The following KCNB2 variants were observed in gnomAD, a reference collection of about 807,000 sequenced individuals.
KCNB2 encodes the protein delayed rectifier potassium channel protein.
In KCNB2, 15 loss-of-function variants were observed where a neutral mutation model predicts 61.5. The observed-to-expected ratio is 0.24, with a 90% confidence interval of 0.16 to 0.38. The LOEUF is 0.38. Ranked by LOEUF, KCNB2 falls within the 10% of genes least tolerant of loss-of-function variation. KCNB2 has a pLI of 1.00. For missense variants in KCNB2, 828 were observed against 1,125.2 expected (o/e 0.74, Z 3.78); for synonymous variants, 457 against 446.0 (o/e 1.02, Z -0.31).
chr8:72,784,249 C>T (rs1242482347), intron 2 of KCNB2, among the ~76,000 whole-genome samples: 3 of 152,070 alleles, frequency 2.0e-5, no homozygotes, highest in Non-Finnish European at 2.9e-5. Flanking sequence ...CAGCAGCTCC[C>T]CAACCACCAC....
intron 2 of KCNB2, among the ~76,000 whole-genome samples, chr8:72,922,233 T>C (rs1018580290): frequency 3.9e-5 from 6 of 152,210 alleles, no homozygotes; most frequent in Non-Finnish European, 8.8e-5. Context: ...TCTGTGTCTC[T>C]CATGGCCTTC....
chr8:72,722,343 A>G (rs879518891), intron 2 of KCNB2, among the ~76,000 whole-genome samples: 1 of 152,182 alleles, frequency 6.6e-6, no homozygotes, highest in African/African-American at 2.4e-5. Context: ...CATTGCTTGC[A>G]CAATTAAGGC....
At chr8:72,775,018 G>A (rs1808623990) in intron 2 of KCNB2, among the ~76,000 whole-genome samples, 1 of 152,192 alleles carries the variant, frequency 6.6e-6, no homozygotes, top group African/African-American at 2.4e-5. Context: ...TGAGAGAGGT[G>A]TCAAGGGACC....
rs146316281 is a variant in KCNB2, at chr8:72,552,299, G to A, written c.-94+14414G>A. Among the ~76,000 whole-genome samples, 248 of 152,230 alleles carry A rather than the reference G, an allele frequency of 1.6e-3. 2 individuals carry two copies. Among genetic ancestry groups the A allele is most frequent in the African/African-American group, 5.5e-3 (230 of 41,536 alleles). ...AGAACTCAGCCTCATAACTTCACAG[G>A]AAAGTTGTCTAGACCAGTGCTTCCC... On this transcript the variant is annotated intron_variant, in intron 1 of 2. Coordinates refer to ENST00000523207, the MANE Select transcript of KCNB2 (RefSeq NM_004770.3).
chr8:72,920,477 A>ATGTGTGTGTG (rs1563424693), intron 2 of KCNB2, among the ~76,000 whole-genome samples: 1 of 37,704 alleles, frequency 2.7e-5, no homozygotes, highest in African/African-American at 8.5e-5. Context: ...ATCTATCTAT[A>ATGTGTGTGTG]TATATATATA....
intron 2 of KCNB2, among the ~76,000 whole-genome samples, chr8:72,817,880 C>T (rs753136787): frequency 1.3e-5 from 2 of 152,074 alleles, no homozygotes; most frequent in Admixed American, 1.3e-4. Flanking sequence ...AAAATCTAAA[C>T]TAATAACATT....
intron 2 of KCNB2, among the ~76,000 whole-genome samples, chr8:72,706,250 C>T (rs1807221710): frequency 6.6e-6 from 1 of 152,158 alleles, no homozygotes; most frequent in Non-Finnish European, 1.5e-5. Context: ...CCAGAGTTTC[C>T]ACAATTAAAA....
rs557731598 is a variant in KCNB2 at position 72,791,970 on chromosome 8, T to C, written c.580-143965T>C. 3.3e-5 allele frequency among the ~76,000 whole-genome samples: 5 copies of C among 152,334 alleles called. 1 individual carries two copies. The South Asian group carries it at 1.0e-3, about 32-fold the overall frequency. On this transcript the variant is annotated intron_variant, in intron 2 of 2. Coordinates refer to ENST00000523207, the MANE Select transcript of KCNB2 (RefSeq NM_004770.3). Reference sequence around the variant, plus strand: ...CCAGGCACAATCCTACCAGTGAGTGTACCTACAGTTCAGAGAGAGAAAGAG... The same window carrying C: ...CCAGGCACAATCCTACCAGTGAGTGCACCTACAGTTCAGAGAGAGAAAGAG...
intron 2 of KCNB2, among the ~76,000 whole-genome samples, chr8:72,587,330 G>A (rs1287212635): frequency 7.2e-5 from 11 of 152,124 alleles, no homozygotes; most frequent in Non-Finnish European, 1.2e-4. Flanking sequence ...TCCTTGCACA[G>A]TGACAGCATG....
At chr8:72,548,907 A>G (rs1806303186) in intron 1 of KCNB2, among the ~76,000 whole-genome samples, 1 of 152,124 alleles carries the variant, frequency 6.6e-6, no homozygotes, top group African/African-American at 2.4e-5. Flanking sequence ...TCACTTCATT[A>G]ATGAGATATT....
chr8:72,801,972 A>G (rs554396129), intron 2 of KCNB2, among the ~76,000 whole-genome samples: 12 of 152,364 alleles, frequency 7.9e-5, no homozygotes, highest in African/African-American at 2.9e-4. Flanking sequence ...ATAAAATTTA[A>G]GTAACTGATT....
At position 72,936,725 on chromosome 8, in the gene KCNB2, C is replaced by T. The variant is rs770706568; in HGVS notation, c.1370C>T (p.Ala457Val). Reference protein sequence around the residue: ...GSIVSMNLKDAFARSMELIDV... With the variant: ...GSIVSMNLKDVFARSMELIDV... ...ATCGTTTCTATGAACTTAAAAGATGCCTTCGCTCGAAGTATGGAACTGATA... is the reference window on the plus strand; with the variant it reads ...ATCGTTTCTATGAACTTAAAAGATGTCTTCGCTCGAAGTATGGAACTGATA... Residue 457 changes from alanine (A) to valine (V), a missense_variant, in exon 3 of 3, where the codon GCC becomes GTC. This residue lies in a region of KCNB2 where 559 missense variants were observed against 588.4 expected (regional missense o/e 0.95). Coordinates refer to ENST00000523207, the MANE Select transcript of KCNB2 (RefSeq NM_004770.3). This position sits in a 1 kb window ranked among gnomAD's most constrained non-coding sequence, Gnocchi z 5.6. The T allele has an allele frequency of 1.9e-6, 3 of 1,614,124 alleles. No individual in the cohort carries two copies. The highest frequency in any genetic ancestry group is 1.7e-6 in the Non-Finnish European group (2 of 1,180,018).
chr8:72,621,977 A>C (rs1395698664), intron 2 of KCNB2, among the ~76,000 whole-genome samples: 4 of 152,166 alleles, frequency 2.6e-5, no homozygotes. Flanking sequence ...CCTCAGACAA[A>C]TTATATATGG....
At chr8:72,545,728 A>C (rs1806248707) in intron 1 of KCNB2, among the ~76,000 whole-genome samples, 1 of 152,212 alleles carries the variant, frequency 6.6e-6, no homozygotes, top group African/African-American at 2.4e-5. Flanking sequence ...GAAAGGATTA[A>C]GCTTAGTGAG....
intron 2 of KCNB2, among the ~76,000 whole-genome samples, chr8:72,763,197 G>A (rs1200921871): frequency 6.6e-6 from 1 of 152,078 alleles, no homozygotes; most frequent in Non-Finnish European, 1.5e-5. Context: ...TAGCTCGAGG[G>A]TAGAACCTGA....
chr8:72,763,292 A>C (rs2128996609), intron 2 of KCNB2, among the ~76,000 whole-genome samples: 1 of 150,808 alleles, frequency 6.6e-6, no homozygotes. Context: ...CTGACACCTA[A>C]GAAATCTGAA....
intron 1 of KCNB2, among the ~76,000 whole-genome samples, chr8:72,561,363 G>A (rs1183929033): frequency 6.6e-6 from 1 of 151,638 alleles, no homozygotes; most frequent in Non-Finnish European, 1.5e-5. Flanking sequence ...CACCACTTTG[G>A]CCAGGATGGT....
At position 72,913,236 on chromosome 8, in the gene KCNB2, G is replaced by A. The variant is rs187788907; in HGVS notation, c.580-22699G>A. 5.3e-5 allele frequency among the ~76,000 whole-genome samples: 8 copies of A among 152,198 alleles called. No individual in the cohort carries two copies. The East Asian group carries it at 1.2e-3, about 22-fold the overall frequency. Reference sequence around the variant, plus strand: ...GGCAAGTTAGGGGCAGAGCATGATCGAACAGAGACACCTACTGGTGAGAGC... The same window carrying A: ...GGCAAGTTAGGGGCAGAGCATGATCAAACAGAGACACCTACTGGTGAGAGC... On this transcript the variant is annotated intron_variant, in intron 2 of 2. Coordinates refer to ENST00000523207, the MANE Select transcript of KCNB2 (RefSeq NM_004770.3).
chr8:72,670,453 A>G (rs1467993990), intron 2 of KCNB2, among the ~76,000 whole-genome samples: 1 of 152,166 alleles, frequency 6.6e-6, no homozygotes, highest in African/African-American at 2.4e-5. Flanking sequence ...ACAAGATTTC[A>G]TGGGAACAGT....
Sources: gnomAD v4.1 joint callset for allele counts (sites outside exome capture counted in the v4.1 genomes callset) on GRCh38, gnomAD v4.1.1 for gene constraint, gnomAD v4.1.1 regional missense constraint, Gnocchi (gnomAD v3.1) non-coding constraint, MANE v1.5 for transcripts, NCBI Gene and HGNC (gene_info 2026-07-23, HGNC 2026-07-21) for gene names.